Variants in SMYD3 observed in about 807,000 individuals in gnomAD.
The protein encoded by SMYD3 is histone-lysine N-methyltransferase SMYD3.
Under a neutral mutation model 57.7 loss-of-function variants are expected in SMYD3, and 36 were observed. The ratio of observed to expected loss-of-function variants is 0.62; its 90% CI spans 0.48 to 0.82. SMYD3 has a LOEUF of 0.82. SMYD3 is among the 40% of genes least tolerant of loss of function. The pLI is 0.00. For missense variants in SMYD3, 515 were observed against 538.8 expected, an observed-to-expected ratio of 0.96 and a Z score of 0.44; for synonymous variants, 211 against 195.0, an observed-to-expected ratio of 1.08 and a Z score of -0.68.
chr1:246,086,337 C>G (rs2787988), intron 5 of SMYD3, among the ~76,000 whole-genome samples: 124,604 of 152,006 alleles, frequency 0.82, 51,559 homozygotes, highest in Admixed American at 0.88. Context: ...TATAGAACAA[C>G]TGGTGTGACA....
intron 5 of SMYD3, among the ~76,000 whole-genome samples, chr1:246,034,906 G>A (rs550226520): frequency 6.6e-6 from 1 of 152,196 alleles, no homozygotes; most frequent in South Asian, 2.1e-4. Context: ...GAAGCTCCTG[G>A]CTACTTTATA....
At chr1:246,437,280 A>AG (rs907271526) in intron 1 of SMYD3, among the ~76,000 whole-genome samples, 1 of 152,144 alleles carries the variant, frequency 6.6e-6, no homozygotes, top group Non-Finnish European at 1.5e-5. Flanking sequence ...GAGTTTTTGG[A>AG]GAAAAAGCCT....
In SMYD3 at chr1:245,929,906, G is replaced by A. The variant is rs181459217; in HGVS notation, c.563C>T (p.Ala188Val). Residue 188 changes from alanine to valine, a missense_variant, in exon 6 of 12, where the codon GCG becomes GTG. By Grantham distance (64) the Ala-to-Val change is moderately conservative (BLOSUM62 0). Coordinates refer to ENST00000490107, the MANE Select transcript of SMYD3 (RefSeq NM_001167740.2). ...GCCAACACCAACTTCCTGCATCTCC[G>A]CATTACAGATGGTGAAAGAGTTGCA... ...VICNSFTICN[A>V]EMQEVGVGLY... 29 of 1,613,622 alleles carry A rather than the reference G, an allele frequency of 1.8e-5. No individual in the cohort carries two copies. The highest frequency in any genetic ancestry group is 1.6e-4 in the East Asian group (7 of 44,860).
rs551651144 is a variant in SMYD3 at position 246,390,363 on chromosome 1, C to T, written c.165-35269G>A. Among the ~76,000 whole-genome samples, 6 of 151,036 alleles carry T rather than the reference C, an allele frequency of 4.0e-5. No homozygotes were observed. The East Asian group carries it at 1.2e-3, about 29-fold the overall frequency. On this transcript the variant is annotated intron_variant, in intron 1 of 11. Transcript: ENST00000490107. ...TCCTAAGATTGGCTTAAGGTAAAAA[C>T]CATTATTCAGTGGATAACATATATA...
At chr1:246,438,750 G>A (rs2103016915) in intron 1 of SMYD3, among the ~76,000 whole-genome samples, 1 of 151,790 alleles carries the variant, frequency 6.6e-6, no homozygotes, top group South Asian at 2.1e-4. Flanking sequence ...GAGTGGGGAT[G>A]GTTTTGGGAT....
rs530563524 is a variant in SMYD3, at chr1:245,787,093, C to T, written c.1077-22944G>A. On this transcript the variant is annotated intron_variant, in intron 10 of 11. Transcript: ENST00000490107. ...TAGAGCGGTATCTTTACAACGCCTT[C>T]TTCCACTTTCATTACTTTTCAAGAT... Among the ~76,000 whole-genome samples the T allele has an allele frequency of 4.6e-5, 7 of 152,352 alleles. No individual in the cohort carries two copies. In the East Asian group the frequency reaches 1.3e-3, roughly 29 times the overall value.
Position 246,280,038 on chromosome 1 carries a change from A to G in SMYD3, c.531+47163T>C, listed in dbSNP as rs545714042. Among the ~76,000 whole-genome samples the G allele has an allele frequency of 2.7e-3, 417 of 152,310 alleles. 1 individual carries two copies. Among genetic ancestry groups the G allele is most frequent in the African/African-American group, 8.7e-3 (362 of 41,570 alleles). ...TAGGATTTGGGAGCCTAGTCTTATA[A>G]ATGTGAATGCCATACATTAGGTTGC... On this transcript the variant is annotated intron_variant, in intron 5 of 11. Coordinates refer to ENST00000490107, the MANE Select transcript of SMYD3 (RefSeq NM_001167740.2).
intron 1 of SMYD3, among the ~76,000 whole-genome samples, chr1:246,416,972 T>C (rs1253843646): frequency 6.6e-6 from 1 of 152,170 alleles, no homozygotes; most frequent in Non-Finnish European, 1.5e-5. Flanking sequence ...TAATAAGTCA[T>C]TGCCAAGACC....
At position 245,835,942 on chromosome 1, in the gene SMYD3, A is replaced by G. The variant is rs187825519; in HGVS notation, c.1076+22554T>C. On this transcript the variant is annotated intron_variant, in intron 10 of 11. Transcript: ENST00000490107. ...TGGGCAGGAATTAAGAGGACAGCGA[A>G]AACTTGCTTTGCTAGTTAATGCTCT... 2.0e-5 allele frequency among the ~76,000 whole-genome samples: 3 copies of G among 152,260 alleles called. No individual in the cohort carries two copies. In the East Asian group the frequency reaches 5.8e-4, roughly 29 times the overall value.
In SMYD3 at chr1:246,123,571, A is replaced by AACACACAC. The variant is rs557543331; in HGVS notation, c.532-193642_532-193635dup. 5.3e-3 allele frequency among the ~76,000 whole-genome samples: 684 copies of AACACACAC among 129,552 alleles called. 6 individuals carry two copies. The highest frequency in any genetic ancestry group is 7.9e-3 in the African/African-American group (272 of 34,386). 85.0% of individuals were successfully genotyped at this position (129,552 alleles called of 152,430 possible). A position where few individuals can be genotyped will look rare whatever the true frequency, so the allele number is the denominator to read the frequency against. ...GAGACAGAGTGAGACTCCATCTCAA[A>AACACACAC]ACACACACACACACACACACACACA... On this transcript the variant is annotated intron_variant, in intron 5 of 11. Coordinates refer to ENST00000490107, the MANE Select transcript of SMYD3 (RefSeq NM_001167740.2).
At chr1:246,026,878 T>C (rs2059583597) in intron 5 of SMYD3, among the ~76,000 whole-genome samples, 1 of 152,198 alleles carries the variant, frequency 6.6e-6, no homozygotes, top group Admixed American at 6.5e-5. Context: ...GAGGAAGACA[T>C]GTCGAGAACT....
intron 5 of SMYD3, among the ~76,000 whole-genome samples, chr1:245,944,103 C>T (rs1346497771): frequency 1.3e-5 from 2 of 152,258 alleles, no homozygotes; most frequent in Non-Finnish European, 2.9e-5. Context: ...CCTCTCTCAC[C>T]ACTCCTATTC....
At position 245,886,569 on chromosome 1, in the gene SMYD3, C is replaced by T. The variant is rs559154484; in HGVS notation, c.814-22683G>A. On this transcript the variant is annotated intron_variant, in intron 8 of 11. Coordinates refer to ENST00000490107, the MANE Select transcript of SMYD3 (RefSeq NM_001167740.2). ...AAGCAGATGAGTATTTGAAACAAAC[C>T]GTTTGCCATATCCCCGGGTATTAAT... Among the ~76,000 whole-genome samples the T allele has an allele frequency of 1.2e-4, 19 of 152,204 alleles. No homozygotes were observed. The South Asian group carries it at 3.1e-3, about 25-fold the overall frequency.
At chr1:245,972,881 T>C (rs1432625661) in intron 5 of SMYD3, among the ~76,000 whole-genome samples, 4 of 152,206 alleles carry the variant, frequency 2.6e-5, no homozygotes, top group Non-Finnish European at 4.4e-5. Flanking sequence ...TAAATGTCTA[T>C]CTCCTTTGAA....
At chr1:246,448,437 G>A (rs1335168117) in intron 1 of SMYD3, among the ~76,000 whole-genome samples, 1 of 151,922 alleles carries the variant, frequency 6.6e-6, no homozygotes, top group African/African-American at 2.4e-5. Context: ...CAATTTGTTG[G>A]CAGGGAATAC....
chr1:245,997,424 T>A lies in SMYD3; in HGVS notation c.532-67487A>T, dbSNP rs73130362. Among the ~76,000 whole-genome samples the A allele has an allele frequency of 9.1e-3, 1,385 of 152,322 alleles. 18 individuals are homozygous for A. The highest frequency in any genetic ancestry group is 0.031 in the African/African-American group (1,293 of 41,566). On this transcript the variant is annotated intron_variant, in intron 5 of 11. Transcript: ENST00000490107. Reference sequence around the variant, plus strand: ...TTGCTGCTGGGAGACACAGAAGACATCCTTCCTCCTCAACATGCTTCTGAT... The same window carrying A: ...TTGCTGCTGGGAGACACAGAAGACAACCTTCCTCCTCAACATGCTTCTGAT...
chr1:246,416,460 AT>A (rs2067062177), intron 1 of SMYD3, among the ~76,000 whole-genome samples: 1 of 152,104 alleles, frequency 6.6e-6, no homozygotes, highest in Non-Finnish European at 1.5e-5. Context: ...CACATGAAAA[AT>A]GAACCCTATG....
At chr1:246,409,943 G>A (rs1572473982) in intron 1 of SMYD3, among the ~76,000 whole-genome samples, 1 of 152,252 alleles carries the variant, frequency 6.6e-6, no homozygotes, top group South Asian at 2.1e-4. Flanking sequence ...AAGCAATTGT[G>A]AATGGGAGTT....
At chr1:246,139,062 A>T (rs1466409681) in intron 5 of SMYD3, among the ~76,000 whole-genome samples, 1 of 152,210 alleles carries the variant, frequency 6.6e-6, no homozygotes, top group Non-Finnish European at 1.5e-5. Flanking sequence ...TAAATAATTC[A>T]TTAGCAGCAA....
Sources: gnomAD v4.1 joint callset for allele counts (sites outside exome capture counted in the v4.1 genomes callset) on GRCh38, gnomAD v4.1.1 for gene constraint, MANE v1.5 for transcripts, NCBI Gene and HGNC (gene_info 2026-07-23, HGNC 2026-07-21) for gene names.